ZNF469: variants seen among roughly 807,000 people sequenced by gnomAD.
The protein encoded by ZNF469 is zinc finger protein 469.
A neutral mutation model predicts 1.0 loss-of-function variants in ZNF469; 1 was observed. That is an observed-to-expected ratio of 1.00 (90% CI 0.35 to 4.73). The LOEUF is 4.73. Among genes scored for constraint, ZNF469 ranks in the 30% most tolerant of loss-of-function variants. The pLI, the probability that ZNF469 is intolerant of heterozygous loss-of-function variation, is 0.16. For synonymous variants in ZNF469, 2,703 were observed against 2,363.4 expected, an observed-to-expected ratio of 1.14 and a Z score of -4.17; for missense variants, 6,100 against 5,356.3, an observed-to-expected ratio of 1.14 and a Z score of -4.33.
chr16:88,105,220 C>T, the ZNF469 span, among the ~76,000 whole-genome samples: 1 of 151,414 alleles, frequency 6.6e-6, no homozygotes, highest in Admixed American at 6.6e-5. Context: ...GAGACCCTGT[C>T]ACAAAAAAGG....
At chr16:88,107,478 A>C in the ZNF469 span, among the ~76,000 whole-genome samples, 1 of 152,240 alleles carries the variant, frequency 6.6e-6, no homozygotes, top group East Asian at 1.9e-4. Flanking sequence ...CCCGTGATTC[A>C]GTCACCGCCC....
chr16:88,434,564 G>T lies in ZNF469; in HGVS notation c.7094G>T (p.Cys2365Phe). The T allele has an allele frequency of 1.3e-6, 2 of 1,550,322 alleles. No homozygotes were observed. The highest frequency in any genetic ancestry group is 3.9e-5 in the Admixed American group (2 of 51,014). Residue 2365 changes from cysteine (C) to phenylalanine (F), a missense_variant, in exon 3 of 3, where the codon TGC (cysteine) becomes TTC (phenylalanine). Physicochemically the swap from Cys to Phe is radical, Grantham distance 205. Coordinates refer to ENST00000565624, the MANE Select transcript of ZNF469 (RefSeq NM_001367624.2). ...LQGAGPDSPA[C>F]LEGEMGTSSK... is the part of the protein sequence containing the mutation. The stretch of plus-strand genomic sequence containing the variant: ...GGTGCAGGGCCGGACTCCCCCGCCT[G>T]CCTGGAAGGTGAGATGGGGACCAGC...
chr16:88,439,966 C>A lies in ZNF469; in HGVS notation c.*634C>A, dbSNP rs74032868. On this transcript the variant is annotated 3_prime_UTR_variant, in exon 3 of 3. Transcript: ENST00000565624. ...TCCATTTGCTCTGCGGGAGAAAAGC[C>A]CATCTCTAGCACACCTTGACCCCAG... The A allele has an allele frequency of 0.034, 5,425 of 161,370 alleles. 99 individuals carry two copies. Among genetic ancestry groups the A allele is most frequent in the Middle Eastern group, 0.048 (15 of 312 alleles). 10.0% of individuals were successfully genotyped at this position (161,370 alleles called of 1,614,324 possible).
At position 88,428,229 on chromosome 16, in the gene ZNF469, C is replaced by G; in HGVS notation, c.759C>G (p.Ala253=). 2 of 1,550,316 alleles carry G rather than the reference C, an allele frequency of 1.3e-6. No homozygotes were observed. The highest frequency in any genetic ancestry group is 1.7e-6 in the Non-Finnish European group (2 of 1,146,936). Residue 253 remains alanine, a synonymous_variant, in exon 3 of 3, where the codon GCC becomes GCG. Transcript: ENST00000565624. ...GTGCTAATTTCGGGGTTCCCCCCGC[C>G]GAGCCGGAACCTATTCCCAAAGGCA... The part of the protein sequence containing the change: ...FPGANFGVPP[A]EPEPIPKGSR...
the ZNF469 span, among the ~76,000 whole-genome samples, chr16:88,326,631 G>C: frequency 6.6e-6 from 1 of 152,144 alleles, no homozygotes; most frequent in Non-Finnish European, 1.5e-5. Context: ...TGGAGGTCAG[G>C]ACCAGAGTGC....
rs1026094927 is a variant in ZNF469, at chr16:88,433,352, G to T, written c.5882G>T (p.Gly1961Val). Residue 1961 changes from glycine (G) to valine (V), a missense_variant, in exon 3 of 3, where the codon GGT (glycine) becomes GTT (valine). Physicochemically the swap from Gly to Val is moderately radical, Grantham distance 109. Transcript: ENST00000565624. ...ACGPAQGSPG[G>V]VQVTTLPAVA... The stretch of plus-strand genomic sequence containing the variant: ...GGCCCCGCCCAGGGCTCCCCAGGGG[G>T]TGTGCAGGTGACAACTCTCCCTGCA... 4 of 1,550,286 alleles carry T rather than the reference G, an allele frequency of 2.6e-6. No homozygotes were observed. In the East Asian group the frequency reaches 7.3e-5, roughly 28 times the overall value.
At chr16:88,380,829 C>T (rs1423343076), upstream of ZNF469, among the ~76,000 whole-genome samples, 1 of 150,692 alleles carries the variant, frequency 6.6e-6, no homozygotes, top group Non-Finnish European at 1.5e-5. Context: ...CACACACACA[C>T]ACGCACTCAC....
the ZNF469 span, among the ~76,000 whole-genome samples, chr16:88,189,146 C>T: frequency 1.4e-4 from 21 of 152,324 alleles, 1 homozygote; most frequent in South Asian, 2.1e-4. This position sits in a 1 kb window ranked among gnomAD's most constrained non-coding sequence, Gnocchi z 4.3. Context: ...TCCTAACAGT[C>T]GGCTGCACTG....
chr16:88,141,682 C>T, the ZNF469 span, among the ~76,000 whole-genome samples: 2 of 152,200 alleles, frequency 1.3e-5, no homozygotes, highest in Non-Finnish European at 1.5e-5. Flanking sequence ...ATCTGGGTGG[C>T]CCAAGGTCAT....
intron 1 of ZNF469, among the ~76,000 whole-genome samples, chr16:88,400,469 C>T (rs889404381): frequency 2.0e-5 from 3 of 152,228 alleles, no homozygotes; most frequent in African/African-American, 4.8e-5. Context: ...GGAAGGAGCA[C>T]AGTCCCAGAG....
At chr16:88,331,422 CCAA>C in the ZNF469 span, among the ~76,000 whole-genome samples, 7 of 150,104 alleles carry the variant, frequency 4.7e-5, no homozygotes, top group South Asian at 2.2e-4. Context: ...ATCACCACCA[CCAA>C]CACCACCATC....
chr16:88,432,854 C>A lies in ZNF469; in HGVS notation c.5384C>A (p.Ala1795Asp), dbSNP rs1013562167. ...CACCGAGGGGCCCCTGCTCCAGAAG[C>A]TTTTGGCAGCCCTGCTGTCCATCTG... ...QPHRGAPAPE[A>D]FGSPAVHLAP... The change falls in exon 3 of 3, where the codon GCT becomes GAT. Residue 1795 changes from alanine (A) to aspartate (D), a missense_variant. Coordinates refer to ENST00000565624, the MANE Select transcript of ZNF469 (RefSeq NM_001367624.2). 5.2e-6 allele frequency: 8 copies of A among 1,550,242 alleles called. No individual in the cohort carries two copies. Among genetic ancestry groups the A allele is most frequent in the Admixed American group, 2.0e-5 (1 of 51,004 alleles).
At chr16:88,183,735 T>G in the ZNF469 span, among the ~76,000 whole-genome samples, 1 of 152,186 alleles carries the variant, frequency 6.6e-6, no homozygotes, top group East Asian at 1.9e-4. Flanking sequence ...GTGAGCCTTA[T>G]GTGTGTACGT....
At chr16:88,205,993 C>G in the ZNF469 span, among the ~76,000 whole-genome samples, 1 of 152,118 alleles carries the variant, frequency 6.6e-6, no homozygotes, top group Non-Finnish European at 1.5e-5. This position sits in a 1 kb window ranked among gnomAD's most constrained non-coding sequence, Gnocchi z 4.2. Flanking sequence ...TGAAGAAGGA[C>G]CCTGAGCCCC....
the ZNF469 span, among the ~76,000 whole-genome samples, chr16:88,130,010 T>A: frequency 6.6e-6 from 1 of 152,196 alleles, no homozygotes; most frequent in South Asian, 2.1e-4. Flanking sequence ...GGTCCTGTGG[T>A]GGCAGAAGTT....
At chr16:88,125,269 T>C in the ZNF469 span, among the ~76,000 whole-genome samples, 1 of 152,250 alleles carries the variant, frequency 6.6e-6, no homozygotes, top group Non-Finnish European at 1.5e-5. Context: ...TTATACTATA[T>C]CTTAAGATAG....
At chr16:88,296,849 C>A in the ZNF469 span, among the ~76,000 whole-genome samples, 1 of 152,250 alleles carries the variant, frequency 6.6e-6, no homozygotes. Context: ...CACGCACCCA[C>A]ACCCCACCGA....
chr16:88,225,922 C>T, the ZNF469 span, among the ~76,000 whole-genome samples: 1 of 152,256 alleles, frequency 6.6e-6, no homozygotes, highest in African/African-American at 2.4e-5. Flanking sequence ...CCTGACAAGT[C>T]CTGAGGTCTC....
At chr16:88,299,338 A>G in the ZNF469 span, among the ~76,000 whole-genome samples, 1 of 151,972 alleles carries the variant, frequency 6.6e-6, no homozygotes, top group Non-Finnish European at 1.5e-5. Context: ...TGAAGGAAGC[A>G]GCTTGCAGCA....
Sources: allele counts gnomAD v4.1 joint callset (sites outside exome capture counted in the v4.1 genomes callset), GRCh38; gene constraint gnomAD v4.1.1; non-coding constraint Gnocchi (gnomAD v3.1); transcripts MANE v1.5; gene names NCBI Gene and HGNC (gene_info 2026-07-23, HGNC 2026-07-21).